SAAL1: variants seen among roughly 807,000 people sequenced by gnomAD.
SAAL1 encodes serum amyloid A like 1.
A neutral mutation model predicts 59.8 loss-of-function variants in SAAL1; 42 were observed. The observed-to-expected ratio is 0.70, with a 90% CI of 0.55 to 0.91. SAAL1 has a LOEUF of 0.91. Among genes scored for constraint, SAAL1 ranks in the 40% least tolerant of loss-of-function variants. The pLI is 0.00. For synonymous variants in SAAL1, 191 were observed against 194.3 expected (o/e 0.98, Z 0.14); for missense variants, 542 against 561.1 (o/e 0.97, Z 0.34).
intron 9 of SAAL1, 125 bp downstream of exon 9, chr11:18,086,738 TATG>T (rs566525610): frequency 2.5e-4 from 121 of 477,860 alleles, no homozygotes; most frequent in African/African-American, 2.3e-3. Context: ...AATAAATAAA[TATG>T]ATAATAAAAT....
At chr11:18,085,076 T>C (rs573203383) in intron 9 of SAAL1, among the ~76,000 whole-genome samples, 9 of 152,300 alleles carry the variant, frequency 5.9e-5, no homozygotes, top group African/African-American at 1.7e-4. Flanking sequence ...GTAAAACATA[T>C]ATCTTATACC....
chr11:18,088,326 G>C (rs1039092751), intron 7 of SAAL1, among the ~76,000 whole-genome samples: 1 of 152,152 alleles, frequency 6.6e-6, no homozygotes. Context: ...TGAGGTTTGG[G>C]AATATGGATG....
rs1489805781 is a variant in SAAL1 at position 18,090,217 on chromosome 11, T to C, written c.547A>G (p.Ile183Val). Residue 183 changes from isoleucine to valine, a missense_variant, in exon 6 of 12, where the codon ATT becomes GTT. Ile to Val is a conservative substitution (Grantham distance 29, BLOSUM62 3). Coordinates refer to ENST00000524803, the MANE Select transcript of SAAL1 (RefSeq NM_138421.3). ...ATAATGAAGCAAATGCTATCATAAA[T>C]AGCTGGATGTTCCTGGATCCTTTCA... The part of the protein sequence containing the change: ...WVERIQEHPA[I>V]YDSICFIMSS... 1.9e-6 allele frequency: 3 copies of C among 1,606,646 alleles called. No individual in the cohort carries two copies. The highest frequency in any genetic ancestry group is 2.5e-6 in the Non-Finnish European group (3 of 1,178,188).
At chr11:18,096,746 A>C (rs1335793606) in intron 3 of SAAL1, 25 bp downstream of exon 3, 2 of 1,173,128 alleles carry the variant, frequency 1.7e-6, no homozygotes, top group Admixed American at 1.7e-5. Context: ...TCAAAGAAGA[A>C]GGCTTTAGAA....
rs1218344494 is a variant in SAAL1, at chr11:18,089,448, T to A, written c.652A>T (p.Met218Leu). 4 of 1,612,934 alleles carry A rather than the reference T, an allele frequency of 2.5e-6. No homozygotes were observed. Among genetic ancestry groups the A allele is most frequent in the Non-Finnish European group, 3.4e-6 (4 of 1,179,606 alleles). The change falls in exon 7 of 12, where the codon ATG becomes TTG. Residue 218 changes from methionine (M) to leucine (L), a missense_variant. Met to Leu is a conservative substitution (Grantham distance 15, BLOSUM62 2). Coordinates refer to ENST00000524803, the MANE Select transcript of SAAL1 (RefSeq NM_138421.3). ...DKLFDLDEKL[M>L]LEWVRNGAAQ... Reference sequence around the variant, plus strand: ...GCCCCATTTCTGACCCATTCTAACATTAGTTTCTCATCCAAATCAAAGAGC... The same window carrying A: ...GCCCCATTTCTGACCCATTCTAACAATAGTTTCTCATCCAAATCAAAGAGC...
In SAAL1 at chr11:18,086,657, T is replaced by C. The variant is rs529019134; in HGVS notation, c.1042+209A>G. Among the ~76,000 whole-genome samples the C allele has an allele frequency of 2.0e-5, 3 of 152,240 alleles. No homozygotes were observed. The East Asian group carries it at 5.8e-4, about 29-fold the overall frequency. ...CAGAGGTTACACTGAGCCAAGATTG[T>C]ACCACTGCACTCCAGCCTGTGCAAC... On this transcript the variant is annotated intron_variant, in intron 9 of 11. Coordinates refer to ENST00000524803, the MANE Select transcript of SAAL1 (RefSeq NM_138421.3).
chr11:18,100,344 C>T (rs1848621927), intron 2 of SAAL1, among the ~76,000 whole-genome samples: 1 of 152,180 alleles, frequency 6.6e-6, no homozygotes, highest in Non-Finnish European at 1.5e-5. Context: ...ATTCAGTGTT[C>T]ACCAACCACA....
chr11:18,096,525 G>A (rs1213560758), intron 3 of SAAL1, among the ~76,000 whole-genome samples: 1 of 152,076 alleles, frequency 6.6e-6, no homozygotes, highest in African/African-American at 2.4e-5. Flanking sequence ...CAAGACTGCA[G>A]TGAGCCGTGA....
At chr11:18,099,177 G>C (rs1319220894) in intron 2 of SAAL1, among the ~76,000 whole-genome samples, 1 of 152,130 alleles carries the variant, frequency 6.6e-6, no homozygotes, top group East Asian at 1.9e-4. Context: ...AGATTCACAG[G>C]CATTATCATA....
chr11:18,081,565 T>A, intron 10 of SAAL1, 62 bp from the exon 11 acceptor site: 1 of 1,226,492 alleles, frequency 8.2e-7, no homozygotes, highest in Non-Finnish European at 1.2e-6. Context: ...AACTAGTGAA[T>A]AAAAACAAAT....
intron 1 of SAAL1, among the ~76,000 whole-genome samples, chr11:18,104,866 T>A (rs1473598627): frequency 6.6e-6 from 1 of 152,058 alleles, no homozygotes; most frequent in African/African-American, 2.4e-5. Flanking sequence ...CTAAGAGCAG[T>A]ATCATGAATA....
intron 2 of SAAL1, among the ~76,000 whole-genome samples, chr11:18,102,263 T>C (rs574264705): frequency 5.3e-5 from 8 of 152,038 alleles, no homozygotes; most frequent in African/African-American, 1.4e-4. Flanking sequence ...TTCGCAGGGA[T>C]TGGTGGCTCA....
At chr11:18,083,027 T>A (rs989037780) in intron 10 of SAAL1, among the ~76,000 whole-genome samples, 1 of 152,204 alleles carries the variant, frequency 6.6e-6, no homozygotes, top group Non-Finnish European at 1.5e-5. Flanking sequence ...AATATATTCA[T>A]AACATATTCA....
chr11:18,098,842 A>G (rs909971695), intron 2 of SAAL1, among the ~76,000 whole-genome samples: 1 of 152,260 alleles, frequency 6.6e-6, no homozygotes, highest in Non-Finnish European at 1.5e-5. Flanking sequence ...GAGTAGCACA[A>G]GGGTGGCCTA....
chr11:18,100,197 G>C (rs1046651606), intron 2 of SAAL1, among the ~76,000 whole-genome samples: 1 of 152,134 alleles, frequency 6.6e-6, no homozygotes, highest in Non-Finnish European at 1.5e-5. Flanking sequence ...CAACCAACCT[G>C]ATCTGACATT....
chr11:18,091,153 T>A (rs1848519889), intron 4 of SAAL1, among the ~76,000 whole-genome samples: 1 of 152,222 alleles, frequency 6.6e-6, no homozygotes, highest in Non-Finnish European at 1.5e-5. Context: ...TTGTTAAGAG[T>A]TATCCTGATG....
At chr11:18,089,832 T>C (rs1848502777) in intron 6 of SAAL1, among the ~76,000 whole-genome samples, 1 of 152,190 alleles carries the variant, frequency 6.6e-6, no homozygotes, top group African/African-American at 2.4e-5. Flanking sequence ...GGATGACTGC[T>C]TGAACACACG....
At chr11:18,081,191 G>C (rs934330466) in intron 11 of SAAL1, among the ~76,000 whole-genome samples, 4 of 151,982 alleles carry the variant, frequency 2.6e-5, no homozygotes, top group African/African-American at 4.8e-5. Flanking sequence ...GCTCCCATTT[G>C]TATGTCCATA....
intron 4 of SAAL1, chr11:18,091,044 T>C (rs1004602350): frequency 1.3e-5 from 2 of 152,274 alleles, no homozygotes; most frequent in African/African-American, 4.8e-5. Context: ...GAGCACTCCA[T>C]TGTGTGAAAA....
Sources: allele counts gnomAD v4.1 joint callset (sites outside exome capture counted in the v4.1 genomes callset), GRCh38; gene constraint gnomAD v4.1.1; transcripts MANE v1.5; gene names NCBI Gene and HGNC (gene_info 2026-07-23, HGNC 2026-07-21).